Variants in RANBP2 observed in about 807,000 individuals in gnomAD.
RANBP2 encodes RAN binding protein 2.
Under a neutral mutation model 303.6 loss-of-function variants are expected in RANBP2, and 57 were observed. That is an observed-to-expected ratio of 0.19 (90% CI 0.15 to 0.23). RANBP2 has a LOEUF of 0.23. Among genes scored for constraint, RANBP2 ranks in the 10% least tolerant of loss-of-function variants. The pLI is 1.00. For synonymous variants in RANBP2, 1,167 were observed against 1,301.5 expected, an observed-to-expected ratio of 0.90 and a Z score of 2.23; for missense variants, 3,138 against 3,780.8, an observed-to-expected ratio of 0.83 and a Z score of 4.46.
the RANBP2 span, among the ~76,000 whole-genome samples, chr2:109,025,800 A>G: frequency 1.4e-5 from 2 of 144,236 alleles, no homozygotes; most frequent in Admixed American, 7.2e-5. Context: ...TCCGTCTCGA[A>G]AAAAAAAAAA....
chr2:109,366,110 C>G, the RANBP2 span, among the ~76,000 whole-genome samples: 1 of 152,320 alleles, frequency 6.6e-6, no homozygotes, highest in African/African-American at 2.4e-5. Context: ...TCCACCTCTT[C>G]TATCTCCTAG....
the RANBP2 span, among the ~76,000 whole-genome samples, chr2:108,984,362 A>G: frequency 6.6e-6 from 1 of 152,174 alleles, no homozygotes; most frequent in African/African-American, 2.4e-5. Flanking sequence ...GTGAGCCACC[A>G]TGGCTGAACT....
chr2:108,876,140 A>G, the RANBP2 span: 2 of 1,609,940 alleles, frequency 1.2e-6, no homozygotes, highest in Non-Finnish European at 1.7e-6. Flanking sequence ...GCTTCAAGAA[A>G]TACAAAGGAC....
At chr2:109,602,721 C>T in the RANBP2 span, among the ~76,000 whole-genome samples, 6 of 150,102 alleles carry the variant, frequency 4.0e-5, no homozygotes, top group Non-Finnish European at 8.9e-5. Context: ...GGCTCGAATT[C>T]CTTCAAAAGA....
chr2:109,239,580 T>G, the RANBP2 span, among the ~76,000 whole-genome samples: 5 of 152,196 alleles, frequency 3.3e-5, no homozygotes, highest in African/African-American at 1.2e-4. Context: ...CACCATTGTT[T>G]GCACACACGA....
At chr2:108,916,410 G>A in the RANBP2 span, among the ~76,000 whole-genome samples, 1 of 152,142 alleles carries the variant, frequency 6.6e-6, no homozygotes, top group Admixed American at 6.5e-5. Flanking sequence ...GCAGCCTAGA[G>A]AGCACACAGA....
chr2:109,128,936 CT>C, the RANBP2 span: 1 of 386,200 alleles, frequency 2.6e-6, no homozygotes, highest in African/African-American at 2.2e-5. Flanking sequence ...ACGGCGCCTC[CT>C]TCCCTGAGCC....
chr2:108,967,147 C>T, the RANBP2 span, among the ~76,000 whole-genome samples: 1 of 152,138 alleles, frequency 6.6e-6, no homozygotes, highest in African/African-American at 2.4e-5. Flanking sequence ...GTTGGTTAGG[C>T]TGGTTTTGAA....
At chr2:108,810,211 G>C in the RANBP2 span, among the ~76,000 whole-genome samples, 5 of 152,104 alleles carry the variant, frequency 3.3e-5, no homozygotes, top group Non-Finnish European at 5.9e-5. Flanking sequence ...GAGCATCCTT[G>C]TCTTGTTCTA....
chr2:109,478,164 AT>A, the RANBP2 span, among the ~76,000 whole-genome samples: 26 of 152,204 alleles, frequency 1.7e-4, no homozygotes, highest in Admixed American at 1.7e-3. Context: ...GGGGCAGGCG[AT>A]TCTAGTGCAT....
At chr2:109,417,661 A>T in the RANBP2 span, among the ~76,000 whole-genome samples, 1 of 152,220 alleles carries the variant, frequency 6.6e-6, no homozygotes, top group East Asian at 1.9e-4. Flanking sequence ...TGAGACTTGG[A>T]GTTACCCTAG....
chr2:109,638,683 A>G, the RANBP2 span, among the ~76,000 whole-genome samples: 1 of 152,200 alleles, frequency 6.6e-6, no homozygotes, highest in Non-Finnish European at 1.5e-5. Context: ...CAAAAACAAA[A>G]ATTGTTTTTG....
chr2:109,726,788 CCACT>C, the RANBP2 span, among the ~76,000 whole-genome samples: 1 of 152,212 alleles, frequency 6.6e-6, no homozygotes, highest in Admixed American at 6.5e-5. Flanking sequence ...GGAAATCCAC[CCACT>C]GAGAGGGAAT....
the RANBP2 span, among the ~76,000 whole-genome samples, chr2:109,186,211 A>C: frequency 9.2e-5 from 14 of 152,260 alleles, no homozygotes; most frequent in African/African-American, 3.1e-4. Flanking sequence ...ACTGAAAAGA[A>C]GACGAAGTGA....
At chr2:109,348,435 G>T in the RANBP2 span, among the ~76,000 whole-genome samples, 1 of 152,208 alleles carries the variant, frequency 6.6e-6, no homozygotes, top group East Asian at 1.9e-4. Context: ...GGCACCTGAG[G>T]CAGGGCCACC....
chr2:108,893,256 CAG>C, the RANBP2 span, among the ~76,000 whole-genome samples: 1 of 152,208 alleles, frequency 6.6e-6, no homozygotes, highest in Non-Finnish European at 1.5e-5. Context: ...CACCTTCTAA[CAG>C]AATAATACTG....
chr2:109,621,030 A>G, the RANBP2 span, among the ~76,000 whole-genome samples: 1 of 152,226 alleles, frequency 6.6e-6, no homozygotes, highest in Non-Finnish European at 1.5e-5. Context: ...CTGTCTCAAG[A>G]AACACTGCTC....
the RANBP2 span, among the ~76,000 whole-genome samples, chr2:109,266,089 T>G: frequency 1.3e-5 from 2 of 151,930 alleles, no homozygotes; most frequent in Non-Finnish European, 2.9e-5. Context: ...GTATGTGTGT[T>G]GTGCGTGCAT....
At chr2:109,170,428 C>T in the RANBP2 span, among the ~76,000 whole-genome samples, 1 of 152,178 alleles carries the variant, frequency 6.6e-6, no homozygotes, top group African/African-American at 2.4e-5. Context: ...TCACTGCAAC[C>T]TCCGCCTCCC....
Sources: allele counts gnomAD v4.1 joint callset (sites outside exome capture counted in the v4.1 genomes callset), GRCh38; gene constraint gnomAD v4.1.1; transcripts MANE v1.5; gene names NCBI Gene and HGNC (gene_info 2026-07-23, HGNC 2026-07-21).